The following JAG2 variants were observed in gnomAD, a reference collection of about 807,000 sequenced individuals.
JAG2 encodes jagged canonical Notch ligand 2.
In JAG2, 46 loss-of-function variants were observed where a neutral mutation model predicts 141.7. The observed-to-expected ratio is 0.32, with a 90% CI of 0.26 to 0.42. JAG2 has a LOEUF of 0.42. Ranked by LOEUF, JAG2 falls within the 10% of genes least tolerant of loss-of-function variation. The probability of loss-of-function intolerance (pLI) is 1.00; values close to 1 mark genes in which losing one functional copy is unlikely to be tolerated. For synonymous variants in JAG2, 862 were observed against 763.5 expected (o/e 1.13, Z -2.13); for missense variants, 1,500 against 1,817.5 (o/e 0.83, Z 3.18).
chr14:105,149,033 C>G lies in JAG2; in HGVS notation c.1810G>C (p.Gly604Arg). The change falls in exon 14 of 26, where the codon GGC (glycine) becomes CGC (arginine). Residue 604 changes from glycine to arginine, a missense_variant. Coordinates refer to ENST00000331782, the MANE Select transcript of JAG2 (RefSeq NM_002226.5). Reference sequence around the variant, plus strand: ...CAGCGTCCATGGGGGCCACACACGCCGGAGGCTGCTGTGCCAGGCATCCCA... The same window carrying G: ...CAGCGTCCATGGGGGCCACACACGCGGGAGGCTGCTGTGCCAGGCATCCCA... ...GPGMPGTAAS[G>R]VCGPHGRCVS... 6.2e-7 allele frequency: 1 copy of G among 1,607,374 alleles called. No homozygotes were observed. The highest frequency in any genetic ancestry group is 8.5e-7 in the Non-Finnish European group (1 of 1,177,766).
chr14:105,152,319 C>A (rs374674008), intron 5 of JAG2, 28 bp from the exon 6 acceptor site: 14 of 1,609,696 alleles, frequency 8.7e-6, no homozygotes, highest in African/African-American at 1.3e-5. Context: ...GGCGCAAGAC[C>A]CAGTGAGCTG....
intron 2 of JAG2, among the ~76,000 whole-genome samples, chr14:105,164,780 G>A (rs587700016): frequency 6.6e-6 from 1 of 152,280 alleles, no homozygotes; most frequent in African/African-American, 2.4e-5. Flanking sequence ...AGCAGAGCCC[G>A]AGCTGGGAGT....
At chr14:105,151,443 G>T in intron 8 of JAG2, 47 bp from the exon 9 acceptor site, 1 of 1,555,624 alleles carries the variant, frequency 6.4e-7, no homozygotes, top group South Asian at 1.1e-5. Context: ...TGAGCCGTGG[G>T]AATAAGGTCC....
chr14:105,157,411 G>A (rs1180811691), intron 3 of JAG2, among the ~76,000 whole-genome samples: 2 of 152,082 alleles, frequency 1.3e-5, no homozygotes. Context: ...GGGCCACAAA[G>A]CCAGAGACAC....
chr14:105,168,317 C>A, intron 1 of JAG2, 38 bp downstream of exon 1: 1 of 734,716 alleles, frequency 1.4e-6, no homozygotes, highest in Non-Finnish European at 1.7e-6. Flanking sequence ...CCGGTGTGCC[C>A]CGTCCGCGAC....
chr14:105,153,593 T>C (rs1328637313), intron 5 of JAG2, among the ~76,000 whole-genome samples: 1 of 152,074 alleles, frequency 6.6e-6, no homozygotes, highest in African/African-American at 2.4e-5. Flanking sequence ...CAGGAAGGCA[T>C]GGCCATCTCC....
chr14:105,151,678 G>T lies in JAG2; in HGVS notation c.1101C>A (p.Ser367=), dbSNP rs768876569. 6 of 1,611,394 alleles carry T rather than the reference G, an allele frequency of 3.7e-6. No homozygotes were observed. The highest frequency in any genetic ancestry group is 1.1e-5 in the South Asian group (1 of 90,628). Residue 367 remains serine, a synonymous_variant, in exon 8 of 26, where the codon TCC becomes TCA. Coordinates refer to ENST00000331782, the MANE Select transcript of JAG2 (RefSeq NM_002226.5). ...CCGATGGGCAGTGGCATTCGAAGCC[G>T]GACGGCACCTCATGGCAAGAGCCCC... ...ANGGSCHEVP[S]GFECHCPSGW... is the part of the protein sequence containing the mutation.
Position 105,150,675 on chromosome 14 carries a change from C to T in JAG2, c.1531G>A (p.Gly511Ser), listed in dbSNP as rs750836968. 8 of 1,551,212 alleles carry T rather than the reference C, an allele frequency of 5.2e-6. No individual in the cohort carries two copies. In the South Asian group the frequency reaches 5.9e-5, roughly 12 times the overall value. Reference protein sequence around the residue: ...ECASSPCHSGGLCEDLADGFH... With the variant: ...ECASSPCHSGSLCEDLADGFH... ...CCGTCGGCCAGGTCCTCGCAGAGGC[C>T]GCCGCTGTGGCAGGGGCTGCTGGCA... Residue 511 changes from glycine (G) to serine (S), a missense_variant, in exon 12 of 26, where the codon GGC (glycine) becomes AGC (serine). Gly to Ser is a moderately conservative substitution (Grantham distance 56). Coordinates refer to ENST00000331782, the MANE Select transcript of JAG2 (RefSeq NM_002226.5).
chr14:105,164,430 C>T (rs780494019), intron 2 of JAG2, among the ~76,000 whole-genome samples: 13 of 152,336 alleles, frequency 8.5e-5, no homozygotes, highest in Non-Finnish European at 1.8e-4. Context: ...GACCAGCCAG[C>T]TCTCCTGGTC....
intron 2 of JAG2, among the ~76,000 whole-genome samples, chr14:105,165,127 A>C (rs1888871034): frequency 6.6e-6 from 1 of 152,158 alleles, no homozygotes; most frequent in African/African-American, 2.4e-5. Flanking sequence ...TGGGCCAGCC[A>C]GGCAGGCACG....
intron 5 of JAG2, 104 bp from the exon 6 acceptor site, chr14:105,152,395 C>G (rs1357749826): frequency 2.2e-6 from 3 of 1,373,298 alleles, no homozygotes; most frequent in African/African-American, 2.9e-5. Context: ...GGCCGGCGGG[C>G]GGCCTCAGGC....
chr14:105,146,070 C>T (rs1478996634), intron 22 of JAG2, 97 bp from the exon 23 acceptor site: 19 of 1,523,856 alleles, frequency 1.2e-5, no homozygotes, highest in Non-Finnish European at 1.6e-5. Flanking sequence ...GGGCCCCATG[C>T]CAAGGAGGGA....
intron 2 of JAG2, among the ~76,000 whole-genome samples, chr14:105,164,579 C>T (rs984817963): frequency 1.3e-5 from 2 of 152,244 alleles, no homozygotes; most frequent in African/African-American, 2.4e-5. Context: ...GGTGCTGAAC[C>T]TCACACCTGC....
Position 105,154,991 on chromosome 14 carries a change from T to G in JAG2, c.788+571A>C. Among the ~76,000 whole-genome samples, 1 of 23,748 alleles carries G rather than the reference T, an allele frequency of 4.2e-5. No individual in the cohort carries two copies. The highest frequency in any genetic ancestry group is 1.3e-3 in the South Asian group (1 of 756). 15.6% of individuals were successfully genotyped at this position (23,748 alleles called of 152,430 possible). A position where few individuals can be genotyped will look rare whatever the true frequency, so the allele number is the denominator to read the frequency against. ...TCCACTGACCCCCTCCCCATCCCGC[T>G]GGCCCCTCCCCCACCACCCCCACAT... On this transcript the variant is annotated intron_variant, in intron 5 of 25. Coordinates refer to ENST00000331782, the MANE Select transcript of JAG2 (RefSeq NM_002226.5). The surrounding 1 kb of genome is among the most constrained non-coding windows in gnomAD (Gnocchi z 4.4).
rs1888240107 is a variant in JAG2 at position 105,146,840 on chromosome 14, G to A, written c.2480-116C>T. On this transcript the variant is annotated intron_variant, in intron 20 of 25. Transcript: ENST00000331782. ...ACAGGCGCAAGCCCCAGGACAATGA[G>A]GAGCAGCCCCTGCCCCCGAGCCCAA... 3 of 857,926 alleles carry A rather than the reference G, an allele frequency of 3.5e-6. No homozygotes were observed. The African/African-American group carries it at 5.0e-5, about 14-fold the overall frequency. The allele number at this position is 857,926 out of a possible 1,614,324, so 53.1% of individuals were successfully genotyped here.
intron 3 of JAG2, among the ~76,000 whole-genome samples, chr14:105,156,382 G>A (rs1285511424): frequency 2.0e-5 from 3 of 152,062 alleles, no homozygotes; most frequent in Admixed American, 1.3e-4. Flanking sequence ...ACCCACCTGC[G>A]CCGTGTCCAG....
At chr14:105,155,012 C>T (rs1198577354) in intron 5 of JAG2, among the ~76,000 whole-genome samples, 1 of 144,260 alleles carries the variant, frequency 6.9e-6, no homozygotes, top group East Asian at 2.1e-4. Flanking sequence ...CCACCACCCC[C>T]ACATGCCCCA....
chr14:105,152,248 G>A lies in JAG2; in HGVS notation c.832C>T (p.Pro278Ser), dbSNP rs1888458816. The A allele has an allele frequency of 1.2e-6, 2 of 1,613,320 alleles. No individual in the cohort carries two copies. The highest frequency in any genetic ancestry group is 2.7e-5 in the African/African-American group (2 of 74,932). Residue 278 changes from proline to serine, a missense_variant, in exon 6 of 26, where the codon CCC becomes TCC. This residue lies in a region of JAG2 where 875 missense variants were observed against 1,202.2 expected (regional missense o/e 0.73). Coordinates refer to ENST00000331782, the MANE Select transcript of JAG2 (RefSeq NM_002226.5). ...WQGRFCDECVPYPGCVHGSCV... is the reference protein window; with the variant it reads ...WQGRFCDECVSYPGCVHGSCV... Reference sequence around the variant, plus strand: ...CTGCCATGCACGCAGCCGGGGTAGGGGACACACTCATCGCAGAACCTCCCT... The same window carrying A: ...CTGCCATGCACGCAGCCGGGGTAGGAGACACACTCATCGCAGAACCTCCCT...
At position 105,143,611 on chromosome 14, in the gene JAG2, C is replaced by T; in HGVS notation, c.3112G>A (p.Asp1038Asn). The T allele has an allele frequency of 6.2e-7, 1 of 1,608,292 alleles. No individual in the cohort carries two copies. The highest frequency in any genetic ancestry group is 1.1e-5 in the South Asian group (1 of 90,598). Residue 1038 changes from aspartate (D) to asparagine (N), a missense_variant, in exon 25 of 26, where the codon GAC becomes AAC. By Grantham distance (23) the Asp-to-Asn change is conservative. This residue lies in a region of JAG2 where 425 missense variants were observed against 441.0 expected (regional missense o/e 0.96). Coordinates refer to ENST00000331782, the MANE Select transcript of JAG2 (RefSeq NM_002226.5). The stretch of plus-strand genomic sequence containing the variant: ...GCCGCGCCCTGGATCAGGCTGCTGT[C>T]AGGCAGGTCCCTGGCAGGGCTGAAG... ...VSFSPARDLP[D>N]SSLIQGAAHA...
Sources: gnomAD v4.1 joint callset for allele counts (sites outside exome capture counted in the v4.1 genomes callset) on GRCh38, gnomAD v4.1.1 for gene constraint, gnomAD v4.1.1 regional missense constraint, Gnocchi (gnomAD v3.1) non-coding constraint, MANE v1.5 for transcripts, NCBI Gene and HGNC (gene_info 2026-07-23, HGNC 2026-07-21) for gene names.